EYA1: variants seen among roughly 807,000 people sequenced by gnomAD.
EYA1 encodes the protein EYA transcriptional coactivator and phosphatase 1, also known as protein phosphatase EYA1.
Under a neutral mutation model 82.0 loss-of-function variants are expected in EYA1, and 16 were observed. The observed-to-expected ratio is 0.20, with a 90% confidence interval of 0.13 to 0.30. The LOEUF (loss-of-function observed/expected upper bound fraction) is 0.30. Among genes scored for constraint, EYA1 ranks in the 10% least tolerant of loss-of-function variants. The pLI is 1.00. For missense variants in EYA1, 633 were observed against 730.7 expected, an observed-to-expected ratio of 0.87 and a Z score of 1.54; for synonymous variants, 261 against 264.4, an observed-to-expected ratio of 0.99 and a Z score of 0.12.
chr8:71,506,042 G>T (rs374966727), intron 2 of EYA1, among the ~76,000 whole-genome samples: 1 of 152,134 alleles, frequency 6.6e-6, no homozygotes, highest in South Asian at 2.1e-4. Context: ...TGCCATGATT[G>T]TAAGTTTCCT....
At chr8:71,463,336 A>G (rs906861356) in intron 2 of EYA1, among the ~76,000 whole-genome samples, 1 of 152,300 alleles carries the variant, frequency 6.6e-6, no homozygotes, top group African/African-American at 2.4e-5. Flanking sequence ...AGAATTACCA[A>G]TGTGTCTATA....
chr8:71,292,968 T>C (rs1029610642), intron 9 of EYA1, among the ~76,000 whole-genome samples: 1 of 151,850 alleles, frequency 6.6e-6, no homozygotes, highest in African/African-American at 2.4e-5. Context: ...TTAATAAAAT[T>C]AAAAACAGGA....
At chr8:71,212,633 G>A (rs978053423) in intron 16 of EYA1, among the ~76,000 whole-genome samples, 1 of 152,166 alleles carries the variant, frequency 6.6e-6, no homozygotes, top group Non-Finnish European at 1.5e-5. Flanking sequence ...CACAATAGAG[G>A]TTAAGAAAAT....
chr8:71,386,881 A>T (rs1828996362), intron 2 of EYA1, among the ~76,000 whole-genome samples: 1 of 152,180 alleles, frequency 6.6e-6, no homozygotes, highest in African/African-American at 2.4e-5. Context: ...TATAAATGGA[A>T]ATTTTTATTC....
chr8:71,307,539 T>C (rs894730078), intron 7 of EYA1, among the ~76,000 whole-genome samples: 2 of 152,216 alleles, frequency 1.3e-5, no homozygotes, highest in Non-Finnish European at 2.9e-5. Flanking sequence ...ATAATCACTA[T>C]AGATTTAAAT....
chr8:71,451,910 C>T (rs767449643), intron 2 of EYA1, among the ~76,000 whole-genome samples: 25 of 152,196 alleles, frequency 1.6e-4, no homozygotes, highest in African/African-American at 5.5e-4. Context: ...TGGGGCTCAT[C>T]GGACAGTGGG....
intron 2 of EYA1, among the ~76,000 whole-genome samples, chr8:71,412,582 G>T (rs1301100188): frequency 6.6e-6 from 1 of 152,138 alleles, no homozygotes; most frequent in Non-Finnish European, 1.5e-5. Context: ...TACGGGAGGA[G>T]TGGATGGAGA....
chr8:71,311,617 G>A lies in EYA1; in HGVS notation c.556+5935C>T, dbSNP rs181957622. 5.9e-5 allele frequency among the ~76,000 whole-genome samples: 9 copies of A among 152,262 alleles called. 1 individual carries two copies. Among genetic ancestry groups the A allele is most frequent in the East Asian group, 1.9e-4 (1 of 5,190 alleles). On this transcript the variant is annotated intron_variant, in intron 7 of 17. Transcript: ENST00000340726. Reference sequence around the variant, plus strand: ...CCAGAAAAACCAAAGCTAACACTGCGGAACAGGAAAATGTCAAAAATGAAT... The same window carrying A: ...CCAGAAAAACCAAAGCTAACACTGCAGAACAGGAAAATGTCAAAAATGAAT...
intron 11 of EYA1, among the ~76,000 whole-genome samples, chr8:71,267,542 A>T (rs1815988705): frequency 1.3e-5 from 2 of 152,262 alleles, no homozygotes; most frequent in South Asian, 4.1e-4. Flanking sequence ...TGGAAATTAT[A>T]TGAGATAAAA....
intron 17 of EYA1, among the ~76,000 whole-genome samples, chr8:71,209,157 G>T (rs912890442): frequency 4.6e-5 from 7 of 152,234 alleles, no homozygotes; most frequent in African/African-American, 1.4e-4. Flanking sequence ...CACTAGGAGG[G>T]TCCTGAATAG....
At chr8:71,428,201 C>T (rs1031114371) in intron 2 of EYA1, among the ~76,000 whole-genome samples, 19 of 151,908 alleles carry the variant, frequency 1.3e-4, no homozygotes, top group African/African-American at 3.6e-4. Flanking sequence ...TTATTTTGTT[C>T]GGGGGAGAAG....
upstream of EYA1, among the ~76,000 whole-genome samples, chr8:71,365,916 A>T (rs530489442): frequency 1.2e-3 from 183 of 152,350 alleles, no homozygotes; most frequent in African/African-American, 4.3e-3. Flanking sequence ...TTTTCCATTC[A>T]AACTCCAACA....
intron 2 of EYA1, among the ~76,000 whole-genome samples, chr8:71,398,190 C>T (rs909872644): frequency 2.0e-5 from 3 of 152,158 alleles, no homozygotes; most frequent in Admixed American, 6.5e-5. Flanking sequence ...AGCCATTCAT[C>T]TAATCTTTTT....
At chr8:71,446,241 G>C (rs1437571175) in intron 2 of EYA1, among the ~76,000 whole-genome samples, 2 of 152,142 alleles carry the variant, frequency 1.3e-5, no homozygotes, top group Admixed American at 6.5e-5. Context: ...CCCAGGTGTT[G>C]AGGGCGGGTC....
At chr8:71,423,595 G>A (rs557009117) in intron 2 of EYA1, among the ~76,000 whole-genome samples, 18 of 152,130 alleles carry the variant, frequency 1.2e-4, no homozygotes, top group African/African-American at 4.3e-4. Flanking sequence ...TATTGTGATT[G>A]TATCTCTACA....
chr8:71,477,746 G>A (rs552436615), intron 2 of EYA1, among the ~76,000 whole-genome samples: 11 of 152,118 alleles, frequency 7.2e-5, no homozygotes, highest in African/African-American at 2.6e-4. Flanking sequence ...CAAGAGAAAT[G>A]AAAACACATT....
chr8:71,231,745 G>C (rs1233829172), intron 12 of EYA1, among the ~76,000 whole-genome samples: 1 of 152,200 alleles, frequency 6.6e-6, no homozygotes. Flanking sequence ...CTGTGATGTA[G>C]GGACTGCTCC....
At chr8:71,378,242 T>C (rs1202515642) in intron 2 of EYA1, among the ~76,000 whole-genome samples, 1 of 151,778 alleles carries the variant, frequency 6.6e-6, no homozygotes, top group Non-Finnish European at 1.5e-5. Context: ...GCAGGGAGGC[T>C]AAGGAAGATA....
intron 2 of EYA1, among the ~76,000 whole-genome samples, chr8:71,381,490 T>C (rs1285743345): frequency 6.6e-6 from 1 of 152,190 alleles, no homozygotes; most frequent in East Asian, 1.9e-4. Context: ...GGGGTCAGGC[T>C]GAAGCCTCAG....
Sources: allele counts gnomAD v4.1 joint callset (sites outside exome capture counted in the v4.1 genomes callset), GRCh38; gene constraint gnomAD v4.1.1; transcripts MANE v1.5; gene names NCBI Gene and HGNC (gene_info 2026-07-23, HGNC 2026-07-21).